MB21D2: variants seen among roughly 807,000 people sequenced by gnomAD.
The protein encoded by MB21D2 is nucleotidyltransferase MB21D2.
MB21D2 carries 9 observed loss-of-function variants against 33.3 expected under a neutral mutation model. The ratio of observed to expected loss-of-function variants is 0.27; its 90% confidence interval spans 0.16 to 0.47. The LOEUF (loss-of-function observed/expected upper bound fraction) is 0.47, where lower values mean the gene tolerates loss of function less well. Among genes scored for constraint, MB21D2 ranks in the 20% least tolerant of loss-of-function variants. MB21D2 has a pLI of 0.99. For synonymous variants in MB21D2, 241 were observed against 236.3 expected (o/e 1.02, Z -0.18); for missense variants, 540 against 624.6 (o/e 0.86, Z 1.44).
intron 1 of MB21D2, among the ~76,000 whole-genome samples, chr3:192,904,357 C>G (rs1714163099): frequency 6.6e-6 from 1 of 152,144 alleles, no homozygotes; most frequent in South Asian, 2.1e-4. Flanking sequence ...GTATTCAGAT[C>G]AGAGGCGATA....
intron 1 of MB21D2, among the ~76,000 whole-genome samples, chr3:192,901,277 G>A (rs1258591543): frequency 6.6e-6 from 1 of 151,874 alleles, no homozygotes. Context: ...TTCCTGTTGA[G>A]ACTTTATTGC....
intron 1 of MB21D2, among the ~76,000 whole-genome samples, chr3:192,906,592 G>A (rs1303936260): frequency 6.6e-6 from 1 of 152,190 alleles, no homozygotes. Flanking sequence ...CTGCTTCAGA[G>A]AAGGCTTCTC....
chr3:192,824,486 T>C (rs920445660), intron 1 of MB21D2, among the ~76,000 whole-genome samples: 1 of 128,078 alleles, frequency 7.8e-6, no homozygotes, highest in African/African-American at 3.2e-5. Flanking sequence ...CATGGTCTGA[T>C]TTCTGAAAAT....
intron 1 of MB21D2, among the ~76,000 whole-genome samples, chr3:192,821,426 T>C (rs1712052978): frequency 6.6e-6 from 1 of 152,160 alleles, no homozygotes; most frequent in Non-Finnish European, 1.5e-5. Context: ...ACTTCGCTAT[T>C]GCCCTGGGAG....
chr3:192,817,556 A>T (rs1034668586), intron 1 of MB21D2, among the ~76,000 whole-genome samples: 5 of 152,202 alleles, frequency 3.3e-5, no homozygotes, highest in African/African-American at 1.2e-4. Context: ...CAAACAGTAA[A>T]TCTGTCATCA....
At chr3:192,855,737 T>G (rs1712901937) in intron 1 of MB21D2, among the ~76,000 whole-genome samples, 2 of 152,148 alleles carry the variant, frequency 1.3e-5, no homozygotes. Flanking sequence ...CTTTTCTACC[T>G]CCTCCATTTA....
chr3:192,840,318 T>G (rs912102366), intron 1 of MB21D2, among the ~76,000 whole-genome samples: 33 of 152,206 alleles, frequency 2.2e-4, no homozygotes, highest in African/African-American at 7.9e-4. Context: ...GACCAGTATT[T>G]TGTTCAAAAT....
intron 1 of MB21D2, among the ~76,000 whole-genome samples, chr3:192,871,326 C>T (rs992813079): frequency 6.6e-6 from 1 of 152,078 alleles, no homozygotes; most frequent in Non-Finnish European, 1.5e-5. Flanking sequence ...GTTGATGGAC[C>T]TACTAAATAT....
intron 1 of MB21D2, among the ~76,000 whole-genome samples, chr3:192,857,764 G>A (rs1028852839): frequency 6.6e-6 from 1 of 152,156 alleles, no homozygotes. Flanking sequence ...ATGGGACAAA[G>A]GTGGAAACAT....
intron 1 of MB21D2, among the ~76,000 whole-genome samples, chr3:192,842,531 C>G (rs1280101071): frequency 6.6e-6 from 1 of 152,082 alleles, no homozygotes; most frequent in Non-Finnish European, 1.5e-5. Flanking sequence ...TAAATCAACT[C>G]GGCCACAAGA....
At chr3:192,900,831 C>G (rs1714082797) in intron 1 of MB21D2, among the ~76,000 whole-genome samples, 1 of 152,006 alleles carries the variant, frequency 6.6e-6, no homozygotes, top group African/African-American at 2.4e-5. Context: ...GTCCCACCTA[C>G]TCGGGAGGCT....
At chr3:192,811,219 C>T (rs927184831) in intron 1 of MB21D2, among the ~76,000 whole-genome samples, 1 of 152,222 alleles carries the variant, frequency 6.6e-6, no homozygotes, top group African/African-American at 2.4e-5. Context: ...CAGATGAACC[C>T]ATTCAATAGC....
intron 1 of MB21D2, among the ~76,000 whole-genome samples, chr3:192,810,283 A>C (rs1307924302): frequency 1.3e-5 from 2 of 152,210 alleles, no homozygotes; most frequent in Non-Finnish European, 2.9e-5. Flanking sequence ...TGCTCCTTGT[A>C]ACAAGCACCC....
At chr3:192,906,270 C>T (rs895591145) in intron 1 of MB21D2, among the ~76,000 whole-genome samples, 18 of 152,256 alleles carry the variant, frequency 1.2e-4, no homozygotes, top group East Asian at 3.9e-4. Flanking sequence ...ACTCCACCCC[C>T]GCCATCCCTG....
intron 1 of MB21D2, among the ~76,000 whole-genome samples, chr3:192,883,602 G>A (rs1461330427): frequency 2.6e-5 from 4 of 152,024 alleles, no homozygotes; most frequent in South Asian, 4.1e-4. Context: ...AAAAGGAAAC[G>A]ATCCATTAGA....
chr3:192,803,571 G>A (rs569912828), intron 1 of MB21D2, among the ~76,000 whole-genome samples: 11 of 152,230 alleles, frequency 7.2e-5, no homozygotes, highest in East Asian at 1.9e-4. Context: ...CTTCCCCAGC[G>A]TTATACAAGC....
intron 1 of MB21D2, among the ~76,000 whole-genome samples, chr3:192,886,760 T>C (rs1052750808): frequency 4.6e-5 from 7 of 152,168 alleles, no homozygotes; most frequent in Non-Finnish European, 1.0e-4. Context: ...GCTGGAAATA[T>C]AACTCTAGTT....
chr3:192,864,738 C>A (rs531134342), intron 1 of MB21D2, among the ~76,000 whole-genome samples: 60 of 152,238 alleles, frequency 3.9e-4, no homozygotes, highest in Non-Finnish European at 8.1e-4. Context: ...GACTCCTAAG[C>A]TCAGGTGATC....
intron 1 of MB21D2, among the ~76,000 whole-genome samples, chr3:192,888,624 T>G (rs1040803119): frequency 6.6e-6 from 1 of 152,076 alleles, no homozygotes; most frequent in African/African-American, 2.4e-5. Context: ...GGACAGGGAT[T>G]ATCACTGACA....
Sources: gnomAD v4.1 joint callset for allele counts (sites outside exome capture counted in the v4.1 genomes callset) on GRCh38, gnomAD v4.1.1 for gene constraint, MANE v1.5 for transcripts, NCBI Gene and HGNC (gene_info 2026-07-23, HGNC 2026-07-21) for gene names.